HGSNAT: variants seen among roughly 807,000 people sequenced by gnomAD.
The protein encoded by HGSNAT is heparan-alpha-glucosaminide N-acetyltransferase, also known as transmembrane protein 76.
HGSNAT carries 59 observed loss-of-function variants against 85.2 expected under a neutral mutation model. The observed-to-expected ratio is 0.69, with a 90% CI of 0.56 to 0.86. The LOEUF (loss-of-function observed/expected upper bound fraction) is 0.86. Among genes scored for constraint, HGSNAT ranks in the 40% least tolerant of loss-of-function variants. The pLI, the probability that HGSNAT is intolerant of heterozygous loss-of-function variation, is 0.00. For synonymous variants in HGSNAT, 321 were observed against 304.5 expected (o/e 1.05, Z -0.56); for missense variants, 756 against 777.1 (o/e 0.97, Z 0.32).
intron 14 of HGSNAT, 115 bp downstream of exon 14, chr8:43,193,958 C>G: frequency 6.7e-7 from 1 of 1,497,748 alleles, no homozygotes; most frequent in Admixed American, 2.2e-5. Flanking sequence ...GTGCTATGGG[C>G]CTAATATATT....
chr8:43,167,937 G>A, intron 5 of HGSNAT: 1 of 181,156 alleles, frequency 5.5e-6, no homozygotes, highest in Non-Finnish European at 1.1e-5. Flanking sequence ...TTTTTTTTTT[G>A]AGACAGAGTC....
At position 43,158,962 on chromosome 8, in the gene HGSNAT, C is replaced by G. The variant is rs1051098032; in HGVS notation, c.411C>G (p.Leu137=). 5 of 1,612,640 alleles carry G rather than the reference C, an allele frequency of 3.1e-6. No homozygotes were observed. In the African/African-American group the frequency reaches 6.7e-5, roughly 22 times the overall value. The change falls in exon 4 of 18, where the codon CTC becomes CTG. Residue 137 remains leucine, a synonymous_variant. Coordinates refer to ENST00000379644, the MANE Select transcript of HGSNAT (RefSeq NM_152419.3). ...TTGGAGAATTTGGAAACTATTCTCT[C>G]TTGGTAAAGAACATCCATAATGGAG... ...YRFGEFGNYS[L]LVKNIHNGVS...
Position 43,197,688 on chromosome 8 carries a change from C to T in HGSNAT, c.1559C>T (p.Ala520Val), listed in dbSNP as rs374619489. The change falls in exon 16 of 18, where the codon GCT becomes GTT. Residue 520 changes from alanine to valine, a missense_variant. By Grantham distance (64) the Ala-to-Val change is moderately conservative (BLOSUM62 0). Transcript: ENST00000379644. The part of the protein sequence containing the change: ...WCCILGLISV[A>V]LTKVSENEGF... ...CCATTACAGGGGCTCATTTCTGTTG[C>T]TCTGACGAAGGTTTCTGAAAATGAA... is the stretch of plus-strand genomic sequence containing the variant. The T allele has an allele frequency of 9.9e-6, 16 of 1,612,590 alleles. No individual in the cohort carries two copies. The highest frequency in any genetic ancestry group is 2.7e-5 in the African/African-American group (2 of 74,860).
chr8:43,142,310 G>A (rs1221258857), intron 1 of HGSNAT, among the ~76,000 whole-genome samples: 2 of 152,020 alleles, frequency 1.3e-5, no homozygotes, highest in African/African-American at 4.8e-5. Flanking sequence ...ACGCTCTGGG[G>A]GTATTGCCCT....
At chr8:43,165,793 G>C (rs2130733539) in intron 5 of HGSNAT, among the ~76,000 whole-genome samples, 1 of 152,214 alleles carries the variant, frequency 6.6e-6, no homozygotes, top group East Asian at 1.9e-4. Flanking sequence ...AAAATTAGCT[G>C]GGCATGGTGT....
intron 6 of HGSNAT, among the ~76,000 whole-genome samples, chr8:43,169,764 A>C (rs2130743390): frequency 6.6e-6 from 1 of 152,366 alleles, no homozygotes; most frequent in African/African-American, 2.4e-5. Context: ...CTGATAAAGT[A>C]CAAAACCAGA....
intron 10 of HGSNAT, among the ~76,000 whole-genome samples, chr8:43,179,924 C>T (rs1182511782): frequency 2.3e-3 from 168 of 74,310 alleles, no homozygotes; most frequent in African/African-American, 1.0e-2. Context: ...GGCGGCTGGC[C>T]GGGCGGGGGG....
intron 2 of HGSNAT, among the ~76,000 whole-genome samples, chr8:43,152,078 T>G (rs1330878981): frequency 6.6e-6 from 1 of 152,050 alleles, no homozygotes; most frequent in Non-Finnish European, 1.5e-5. Flanking sequence ...CACTTGAAGG[T>G]TGGGAGTTTT....
chr8:43,200,185 CTA>C lies in HGSNAT; in HGVS notation c.*618_*619del, dbSNP rs1563388759. 6.6e-6 allele frequency: 1 copy of C among 152,228 alleles called. No individual in the cohort carries two copies. Among genetic ancestry groups the C allele is most frequent in the Non-Finnish European group, 1.5e-5 (1 of 68,050 alleles). 9.4% of individuals were successfully genotyped at this position (152,228 alleles called of 1,614,324 possible). ...TTCCTCTCTCGAAAAGTTAAAATAT[CTA>C]TGTGTTATTCCCAAACCCTCTTACC... On this transcript the variant is annotated 3_prime_UTR_variant, in exon 18 of 18. Coordinates refer to ENST00000379644, the MANE Select transcript of HGSNAT (RefSeq NM_152419.3).
At chr8:43,155,979 T>G (rs1158812361) in intron 2 of HGSNAT, among the ~76,000 whole-genome samples, 1 of 152,164 alleles carries the variant, frequency 6.6e-6, no homozygotes, top group Non-Finnish European at 1.5e-5. Context: ...TAGCTGGGAT[T>G]ATAGACACCC....
intron 14 of HGSNAT, 183 bp from the exon 15 acceptor site, chr8:43,196,765 C>T (rs1177809208): frequency 1.4e-4 from 83 of 612,794 alleles, no homozygotes; most frequent in East Asian, 5.6e-5. Flanking sequence ...TGGTCCCATG[C>T]TCCTCTGTTA....
chr8:43,144,442 T>C (rs1586695458), intron 1 of HGSNAT, among the ~76,000 whole-genome samples: 1 of 152,310 alleles, frequency 6.6e-6, no homozygotes, highest in East Asian at 1.9e-4. Flanking sequence ...TGAGCACTTG[T>C]TTCTGTGCCA....
At position 43,199,666 on chromosome 8, in the gene HGSNAT, A is replaced by G. The variant is rs1020550449; in HGVS notation, c.*97A>G. ...AAGGGAAGCATTCATTAGGAAATTGACTGGCTGCGTGTTTACAGACTCTGG... is the reference window on the plus strand; with the variant it reads ...AAGGGAAGCATTCATTAGGAAATTGGCTGGCTGCGTGTTTACAGACTCTGG... On this transcript the variant is annotated 3_prime_UTR_variant, in exon 18 of 18. Transcript: ENST00000379644. 3.2e-6 allele frequency: 3 copies of G among 940,094 alleles called. No homozygotes were observed. The highest frequency in any genetic ancestry group is 4.5e-6 in the Non-Finnish European group (3 of 672,412). 58.2% of individuals were successfully genotyped at this position (940,094 alleles called of 1,614,324 possible).
chr8:43,142,721 T>G (rs1411528562), intron 1 of HGSNAT, among the ~76,000 whole-genome samples: 1 of 152,224 alleles, frequency 6.6e-6, no homozygotes, highest in Non-Finnish European at 1.5e-5. Flanking sequence ...TTTTGTAGTT[T>G]TTTTAGAGCT....
intron 2 of HGSNAT, among the ~76,000 whole-genome samples, chr8:43,147,304 C>T (rs1382441274): frequency 1.3e-5 from 2 of 152,134 alleles, no homozygotes; most frequent in Admixed American, 1.3e-4. Flanking sequence ...GATGAACAAC[C>T]TTGATAGACT....
At chr8:43,194,648 G>A (rs1055335293) in intron 14 of HGSNAT, 13 of 346,836 alleles carry the variant, frequency 3.7e-5, no homozygotes, top group African/African-American at 2.7e-4. Flanking sequence ...CTTCAGGGGG[G>A]ACAAATGCTG....
intron 1 of HGSNAT, among the ~76,000 whole-genome samples, chr8:43,143,619 G>A (rs1802620848): frequency 6.6e-6 from 1 of 151,532 alleles, no homozygotes; most frequent in African/African-American, 2.4e-5. Context: ...CTCACTGCAA[G>A]CTCCGCCTCC....
chr8:43,147,102 G>C, intron 2 of HGSNAT, 39 bp downstream of exon 2: 2 of 1,245,066 alleles, frequency 1.6e-6, no homozygotes, highest in Non-Finnish European at 2.3e-6. Context: ...TTGCTTTGGG[G>C]CTTGTTTGAT....
Position 43,201,523 on chromosome 8 carries a change from C to T in HGSNAT, c.*1954C>T, listed in dbSNP as rs555756200. The T allele has an allele frequency of 2.6e-5, 4 of 152,360 alleles. No individual in the cohort carries two copies. Among genetic ancestry groups the T allele is most frequent in the Admixed American group, 2.6e-4 (4 of 15,292 alleles). The allele number at this position is 152,360 out of a possible 1,614,324, so 9.4% of individuals were successfully genotyped here. On this transcript the variant is annotated 3_prime_UTR_variant, in exon 18 of 18. Coordinates refer to ENST00000379644, the MANE Select transcript of HGSNAT (RefSeq NM_152419.3). The surrounding 1 kb of genome is among the most constrained non-coding windows in gnomAD (Gnocchi z 4.4). ...CATTTTCCTCTGAATTTTTTCCTAT[C>T]TACATTTGATCTGTCATGTTTAAAC...
Sources: allele counts gnomAD v4.1 joint callset (sites outside exome capture counted in the v4.1 genomes callset), GRCh38; gene constraint gnomAD v4.1.1; non-coding constraint Gnocchi (gnomAD v3.1); transcripts MANE v1.5; gene names NCBI Gene and HGNC (gene_info 2026-07-23, HGNC 2026-07-21).